ROBO2: variants seen among roughly 807,000 people sequenced by gnomAD.
ROBO2 encodes roundabout guidance receptor 2, also known as roundabout homolog 2.
Under a neutral mutation model 160.8 loss-of-function variants are expected in ROBO2, and 53 were observed. The ratio of observed to expected loss-of-function variants is 0.33; its 90% confidence interval spans 0.26 to 0.41. ROBO2 has a LOEUF of 0.41. Among genes scored for constraint, ROBO2 ranks in the 10% least tolerant of loss-of-function variants. The pLI is 1.00. For missense variants in ROBO2, 1,577 were observed against 1,722.4 expected (o/e 0.92, Z 1.49); for synonymous variants, 664 against 611.7 (o/e 1.09, Z -1.26).
intron 2 of ROBO2, among the ~76,000 whole-genome samples, chr3:76,129,349 C>T (rs2071132411): frequency 6.6e-6 from 1 of 152,124 alleles, no homozygotes; most frequent in Non-Finnish European, 1.5e-5. Context: ...ATGGATTTTG[C>T]TTTGGTATTC....
chr3:75,969,795 A>G (rs1243377481), intron 2 of ROBO2, among the ~76,000 whole-genome samples: 1 of 151,470 alleles, frequency 6.6e-6, no homozygotes, highest in Non-Finnish European at 1.5e-5. Flanking sequence ...ATCAACCCCT[A>G]TCTGACATAC....
At position 76,642,410 on chromosome 3, in the gene ROBO2, T is replaced by C. The variant is rs1420750342; in HGVS notation, c.110-455604T>C. 3.6e-5 allele frequency among the ~76,000 whole-genome samples: 5 copies of C among 137,524 alleles called. No individual in the cohort carries two copies. In the East Asian group the frequency reaches 9.3e-4, roughly 25 times the overall value. 90.2% of individuals were successfully genotyped at this position (137,524 alleles called of 152,430 possible). A position where few individuals can be genotyped will look rare whatever the true frequency, so the allele number is the denominator to read the frequency against. On this transcript the variant is annotated intron_variant, in intron 2 of 26. Transcript: ENST00000487694. The stretch of plus-strand genomic sequence containing the variant: ...CTCTGTCGCCCAGGCTGGAGTGTAA[T>C]GGCGTGATCTCAATTCACTGCAAAT...
intron 2 of ROBO2, among the ~76,000 whole-genome samples, chr3:76,416,468 C>A (rs906289377): frequency 6.6e-6 from 1 of 151,888 alleles, no homozygotes. Context: ...AAAATAAAAC[C>A]GTACATAATT....
chr3:76,033,524 A>G (rs1403734604), intron 2 of ROBO2, among the ~76,000 whole-genome samples: 2 of 152,200 alleles, frequency 1.3e-5, no homozygotes, highest in African/African-American at 4.8e-5. Context: ...ACATGGCATC[A>G]TGGTCTGCCA....
chr3:76,185,215 T>TATATATATACATATATATATATATACAC, intron 2 of ROBO2, among the ~76,000 whole-genome samples: 1 of 90,312 alleles, frequency 1.1e-5, no homozygotes, highest in Non-Finnish European at 2.3e-5. Context: ...TATATATATA[T>TATATATATACATATATATATATATACAC]ACACACACAA....
intron 2 of ROBO2, among the ~76,000 whole-genome samples, chr3:76,883,763 TA>T (rs1292734416): frequency 6.6e-6 from 1 of 152,202 alleles, no homozygotes; most frequent in Non-Finnish European, 1.5e-5. Flanking sequence ...CTAAAACTGG[TA>T]AAACGATTAA....
intron 2 of ROBO2, among the ~76,000 whole-genome samples, chr3:77,388,076 C>T (rs1193124352): frequency 6.6e-6 from 1 of 151,770 alleles, no homozygotes; most frequent in African/African-American, 2.4e-5. Context: ...ATATTTGTAG[C>T]AAATTTAGTT....
In ROBO2 at chr3:76,454,609, A is replaced by C. The variant is rs2077654134; in HGVS notation, c.109+517007A>C. ...AACTTCCCTGAGTTCCAATTTCTTCATTGTAAAATGAGATTACTTTTCCAT... is the reference window on the plus strand; with the variant it reads ...AACTTCCCTGAGTTCCAATTTCTTCCTTGTAAAATGAGATTACTTTTCCAT... On this transcript the variant is annotated intron_variant, in intron 2 of 26. Transcript: ENST00000487694. Among the ~76,000 whole-genome samples, 3 of 152,170 alleles carry C rather than the reference A, an allele frequency of 2.0e-5. No individual in the cohort carries two copies. The South Asian group carries it at 6.2e-4, about 32-fold the overall frequency.
At chr3:77,253,219 T>C (rs1168911742) in intron 2 of ROBO2, among the ~76,000 whole-genome samples, 1 of 152,192 alleles carries the variant, frequency 6.6e-6, no homozygotes, top group Non-Finnish European at 1.5e-5. Context: ...TTACTGAGAA[T>C]ATTTAAAAGA....
intron 1 of ROBO2, among the ~76,000 whole-genome samples, chr3:77,052,512 T>C (rs929721406): frequency 6.6e-6 from 1 of 152,162 alleles, no homozygotes; most frequent in Non-Finnish European, 1.5e-5. Flanking sequence ...ACAAGAAAGG[T>C]CTTCATACTA....
At chr3:77,469,280 T>A (rs963151722) in intron 2 of ROBO2, among the ~76,000 whole-genome samples, 3 of 152,122 alleles carry the variant, frequency 2.0e-5, no homozygotes, top group African/African-American at 2.4e-5. Flanking sequence ...GAGCCCAGAT[T>A]TTTTTACACT....
chr3:76,847,718 T>A (rs2068906865), intron 2 of ROBO2, among the ~76,000 whole-genome samples: 1 of 152,172 alleles, frequency 6.6e-6, no homozygotes, highest in African/African-American at 2.4e-5. Flanking sequence ...TTTCTTGCTA[T>A]CTTCTTTTGA....
chr3:76,592,637 A>T (rs1038181763), intron 2 of ROBO2, among the ~76,000 whole-genome samples: 1 of 152,126 alleles, frequency 6.6e-6, no homozygotes, highest in Non-Finnish European at 1.5e-5. Context: ...ACAAATTACT[A>T]CCAAATTAGT....
Position 76,998,535 on chromosome 3 carries a change from A to C in ROBO2, c.110-99479A>C, listed in dbSNP as rs370991344. Among the ~76,000 whole-genome samples the C allele has an allele frequency of 2.0e-5, 3 of 152,318 alleles. No individual in the cohort carries two copies. In the East Asian group the frequency reaches 5.8e-4, roughly 29 times the overall value. On this transcript the variant is annotated intron_variant, in intron 2 of 26. Transcript: ENST00000487694. ...AAATAACATACATGTAATACTCATA[A>C]TAGTAAGACAAATATTATTACTCAA...
chr3:77,378,999 G>C (rs1310521464), intron 2 of ROBO2, among the ~76,000 whole-genome samples: 1 of 151,518 alleles, frequency 6.6e-6, no homozygotes, highest in Non-Finnish European at 1.5e-5. Context: ...CCAGGCTGGA[G>C]TGCAATGGCG....
intron 2 of ROBO2, among the ~76,000 whole-genome samples, chr3:76,986,450 C>T (rs879259821): frequency 3.3e-5 from 5 of 151,916 alleles, no homozygotes; most frequent in African/African-American, 4.8e-5. Flanking sequence ...CACAGGTAAC[C>T]GTGTCTTAAT....
intron 2 of ROBO2, among the ~76,000 whole-genome samples, chr3:77,435,873 T>A (rs528271738): frequency 6.6e-6 from 1 of 151,648 alleles, no homozygotes; most frequent in Non-Finnish European, 1.5e-5. Context: ...TCTGTAGGTT[T>A]ACTGTGCAAA....
intron 2 of ROBO2, among the ~76,000 whole-genome samples, chr3:76,536,636 A>G (rs1357092299): frequency 6.6e-6 from 1 of 152,072 alleles, no homozygotes; most frequent in Admixed American, 6.6e-5. Context: ...CTCTCGGGGA[A>G]CTGCCCTGGT....
chr3:77,203,347 G>T (rs563143203), intron 2 of ROBO2, among the ~76,000 whole-genome samples: 2 of 152,250 alleles, frequency 1.3e-5, no homozygotes, highest in Admixed American at 1.3e-4. Context: ...GTTCTTGGGG[G>T]TGGGGTACTG....
Sources: allele counts gnomAD v4.1 joint callset (sites outside exome capture counted in the v4.1 genomes callset), GRCh38; gene constraint gnomAD v4.1.1; transcripts MANE v1.5; gene names NCBI Gene and HGNC (gene_info 2026-07-23, HGNC 2026-07-21).